The following FAM219A variants were observed in gnomAD, a reference collection of about 807,000 sequenced individuals.
FAM219A encodes family with sequence similarity 219 member A.
In FAM219A, 7 loss-of-function variants were observed where a neutral mutation model predicts 23.4. That is an observed-to-expected ratio of 0.30 (90% CI 0.17 to 0.56). The LOEUF (loss-of-function observed/expected upper bound fraction) is 0.56. Among genes scored for constraint, FAM219A ranks in the 20% least tolerant of loss-of-function variants. FAM219A has a pLI of 0.92. For synonymous variants in FAM219A, 93 were observed against 99.0 expected (o/e 0.94, Z 0.36); for missense variants, 166 against 246.9 (o/e 0.67, Z 2.20).
At chr9:34,440,781 C>T (rs538269828) in intron 1 of FAM219A, among the ~76,000 whole-genome samples, 2 of 149,722 alleles carry the variant, frequency 1.3e-5, no homozygotes, top group African/African-American at 4.9e-5. Context: ...ACCCGGGAGG[C>T]GGAGCTTGCA....
chr9:34,409,493 T>G (rs1821752126), intron 1 of FAM219A, among the ~76,000 whole-genome samples: 1 of 152,142 alleles, frequency 6.6e-6, no homozygotes, highest in Admixed American at 6.5e-5. Context: ...ATTAACAAGA[T>G]TATTAATAAA....
intron 1 of FAM219A, among the ~76,000 whole-genome samples, chr9:34,456,131 T>C (rs767395384): frequency 1.3e-5 from 2 of 152,020 alleles, no homozygotes; most frequent in Non-Finnish European, 2.9e-5. Context: ...AGGTGGAGGT[T>C]GCATTGGGCC....
At chr9:34,436,144 G>A (rs1354871517) in intron 1 of FAM219A, among the ~76,000 whole-genome samples, 2 of 151,772 alleles carry the variant, frequency 1.3e-5, no homozygotes, top group South Asian at 2.1e-4. Flanking sequence ...CTATTATAAT[G>A]TTGCAGCTAC....
At position 34,438,968 on chromosome 9, in the gene FAM219A, C is replaced by T. The variant is rs577630322; in HGVS notation, c.60+19236G>A. Among the ~76,000 whole-genome samples, 17 of 152,348 alleles carry T rather than the reference C, an allele frequency of 1.1e-4. No individual in the cohort carries two copies. In the South Asian group the frequency reaches 3.3e-3, roughly 30 times the overall value. On this transcript the variant is annotated intron_variant, in intron 1 of 5. Transcript: ENST00000651358. Reference sequence around the variant, plus strand: ...CTTTTATGAGGTGTAACACTCACCGCGAAGGTCTGCAGCTTCACTCCTGAA... The same window carrying T: ...CTTTTATGAGGTGTAACACTCACCGTGAAGGTCTGCAGCTTCACTCCTGAA...
At position 34,402,392 on chromosome 9, in the gene FAM219A, C is replaced by G. The variant is rs202212101; in HGVS notation, c.339G>C (p.Thr113=). 2 of 1,614,074 alleles carry G rather than the reference C, an allele frequency of 1.2e-6. No individual in the cohort carries two copies. The highest frequency in any genetic ancestry group is 2.7e-5 in the African/African-American group (2 of 74,914). The part of the protein sequence containing the change: ...PDEKPLVALD[T]DSDDDFDMSR... ...CCCCAAGCCCCCATACACACCTGTC[C>G]GTGTCAAGGGCTACCAGTGGCTTCT... The change falls in exon 4 of 6, where the codon ACG becomes ACC. Residue 113 remains threonine (T), a synonymous_variant. Transcript: ENST00000651358.
At chr9:34,423,179 C>T (rs1193452778) in intron 1 of FAM219A, among the ~76,000 whole-genome samples, 1 of 152,010 alleles carries the variant, frequency 6.6e-6, no homozygotes, top group Non-Finnish European at 1.5e-5. Context: ...AATAATAAGG[C>T]CCCTGCCCAT....
chr9:34,437,679 T>C (rs1822971918), intron 1 of FAM219A, among the ~76,000 whole-genome samples: 1 of 152,252 alleles, frequency 6.6e-6, no homozygotes, highest in South Asian at 2.1e-4. Context: ...ATACCTTCTT[T>C]GCAGAGTTGA....
At chr9:34,442,946 T>A (rs920953637) in intron 1 of FAM219A, among the ~76,000 whole-genome samples, 10 of 152,306 alleles carry the variant, frequency 6.6e-5, no homozygotes, top group African/African-American at 2.4e-4. Context: ...TTATTAAATT[T>A]AATTCAAATA....
At chr9:34,431,614 C>A (rs1278422030) in intron 1 of FAM219A, among the ~76,000 whole-genome samples, 1 of 152,122 alleles carries the variant, frequency 6.6e-6, no homozygotes, top group Non-Finnish European at 1.5e-5. Context: ...GTGGTATATG[C>A]CTGTAGTCCC....
intron 2 of FAM219A, 84 bp from the exon 3 acceptor site, chr9:34,402,891 C>G: frequency 7.9e-7 from 1 of 1,259,004 alleles, no homozygotes; most frequent in East Asian, 2.4e-5. Flanking sequence ...GGCTGGGCCT[C>G]CACTGTGAAA....
At chr9:34,430,150 C>T (rs905191753) in intron 1 of FAM219A, among the ~76,000 whole-genome samples, 1 of 152,078 alleles carries the variant, frequency 6.6e-6, no homozygotes, top group African/African-American at 2.4e-5. Context: ...AGGGGGAATC[C>T]CTAGACCTAC....
intron 1 of FAM219A, among the ~76,000 whole-genome samples, chr9:34,434,314 G>A (rs965983918): frequency 6.6e-6 from 1 of 151,272 alleles, no homozygotes; most frequent in Non-Finnish European, 1.5e-5. Context: ...TTAGAGACAT[G>A]CTTCTTGACA....
rs1237339656 is a variant in FAM219A, at chr9:34,458,400, G to C, written c.-137C>G. 6 of 484,440 alleles carry C rather than the reference G, an allele frequency of 1.2e-5. No homozygotes were observed. The highest frequency in any genetic ancestry group is 4.5e-5 in the Admixed American group (1 of 22,334). 30.0% of individuals were successfully genotyped at this position (484,440 alleles called of 1,614,324 possible). ...GACCACTCGGGCGGGCAGGGGCCGGGCGGATGCAGGGGTGGGCGGGGGCGA... is the reference window on the plus strand; with the variant it reads ...GACCACTCGGGCGGGCAGGGGCCGGCCGGATGCAGGGGTGGGCGGGGGCGA... On this transcript the variant is annotated 5_prime_UTR_variant, in exon 1 of 6. Transcript: ENST00000651358. This position sits in a 1 kb window ranked among gnomAD's most constrained non-coding sequence, Gnocchi z 6.6.
rs1821386771 is a variant in FAM219A at position 34,400,708 on chromosome 9, C to T, written c.*256G>A. The T allele has an allele frequency of 2.9e-5, 11 of 380,434 alleles. No homozygotes were observed. The South Asian group carries it at 5.8e-4, about 20-fold the overall frequency. 23.6% of individuals were successfully genotyped at this position (380,434 alleles called of 1,614,324 possible). ...GGGCAGGGTGCTGGGTGAGGTTCCC[C>T]CAGGTAACTGAACAAACGGCCCCCA... On this transcript the variant is annotated 3_prime_UTR_variant, in exon 6 of 6. Transcript: ENST00000651358.
At chr9:34,431,527 C>G (rs1033132705) in intron 1 of FAM219A, among the ~76,000 whole-genome samples, 3 of 152,134 alleles carry the variant, frequency 2.0e-5, no homozygotes, top group African/African-American at 7.2e-5. Flanking sequence ...AGAAATCTGG[C>G]AAAGAGCACC....
intron 1 of FAM219A, among the ~76,000 whole-genome samples, chr9:34,450,957 C>T (rs936663460): frequency 1.3e-5 from 2 of 152,200 alleles, no homozygotes; most frequent in South Asian, 2.1e-4. Flanking sequence ...CACTCACATA[C>T]CTCACCGCCA....
rs949017007 is a variant in FAM219A, at chr9:34,398,276, AT to A, written c.*2687del. 9 of 1,550,552 alleles carry A rather than the reference AT, an allele frequency of 5.8e-6. No individual in the cohort carries two copies. The highest frequency in any genetic ancestry group is 2.0e-5 in the Admixed American group (1 of 50,990). ...TACTGCAATGAAAATGTTAAAAAAAATATTATACACGGCTCATGTCTTCCAC... is the reference window on the plus strand; with the variant it reads ...TACTGCAATGAAAATGTTAAAAAAAAATTATACACGGCTCATGTCTTCCAC... On this transcript the variant is annotated 3_prime_UTR_variant, in exon 6 of 6. Coordinates refer to ENST00000651358, the MANE Select transcript of FAM219A (RefSeq NM_001184940.2).
intron 1 of FAM219A, among the ~76,000 whole-genome samples, chr9:34,418,568 C>G (rs1006057482): frequency 2.6e-5 from 4 of 152,210 alleles, no homozygotes; most frequent in Non-Finnish European, 5.9e-5. Flanking sequence ...TGGCCCTCAT[C>G]CCCTTAGCCA....
intron 1 of FAM219A, among the ~76,000 whole-genome samples, chr9:34,407,778 T>C (rs1821690577): frequency 6.6e-6 from 1 of 152,232 alleles, no homozygotes; most frequent in African/African-American, 2.4e-5. Flanking sequence ...CTGTTCTGCC[T>C]TTGCGGATGC....
Sources: allele counts gnomAD v4.1 joint callset (sites outside exome capture counted in the v4.1 genomes callset), GRCh38; gene constraint gnomAD v4.1.1; non-coding constraint Gnocchi (gnomAD v3.1); transcripts MANE v1.5; gene names NCBI Gene and HGNC (gene_info 2026-07-23, HGNC 2026-07-21).